AHRR: variants seen among roughly 807,000 people sequenced by gnomAD.
AHRR encodes ahR repressor.
AHRR carries 28 observed loss-of-function variants against 44.0 expected under a neutral mutation model. The observed-to-expected ratio is 0.64, with a 90% CI of 0.47 to 0.87. The LOEUF is 0.87. Among genes scored for constraint, AHRR ranks in the 40% least tolerant of loss-of-function variants. The pLI, the probability that AHRR is intolerant of heterozygous loss-of-function variation, is 0.00. For synonymous variants in AHRR, 434 were observed against 407.0 expected, an observed-to-expected ratio of 1.07 and a Z score of -0.80; for missense variants, 990 against 953.9, an observed-to-expected ratio of 1.04 and a Z score of -0.50.
intron 1 of AHRR, among the ~76,000 whole-genome samples, chr5:335,851 C>T (rs904599491): frequency 6.6e-6 from 1 of 152,232 alleles, no homozygotes; most frequent in Non-Finnish European, 1.5e-5. Flanking sequence ...CAAGACCAGG[C>T]CCCCATGGCA....
At position 344,871 on chromosome 5, in the gene AHRR, T is replaced by C. The variant is rs111206000; in HGVS notation, c.62+907T>C. ...TGTGGGGTGTGTGAGACTGTGCAGG[T>C]GTGCAGGTGTGCGAAGCTGTGTGAG... On this transcript the variant is annotated intron_variant, in intron 2 of 10. Transcript: ENST00000684583. 1.8e-3 allele frequency among the ~76,000 whole-genome samples: 180 copies of C among 101,632 alleles called. 2 individuals are homozygous for C. The highest frequency in any genetic ancestry group is 0.01 in the African/African-American group (159 of 15,576). The allele number at this position is 101,632 out of a possible 152,430, so 66.7% of individuals were successfully genotyped here.
chr5:414,308 G>A (rs2126514245), intron 5 of AHRR, among the ~76,000 whole-genome samples: 1 of 152,166 alleles, frequency 6.6e-6, no homozygotes, highest in South Asian at 2.1e-4. Flanking sequence ...AGGCCAGGAG[G>A]GGAGCAACGG....
Position 355,450 on chromosome 5 carries a change from C to T in AHRR, c.244+1539C>T, listed in dbSNP as rs72711348. Among the ~76,000 whole-genome samples, 36 of 152,308 alleles carry T rather than the reference C, an allele frequency of 2.4e-4. 1 individual carries two copies. Among genetic ancestry groups the T allele is most frequent in the Non-Finnish European group, 8.8e-5 (6 of 68,026 alleles). ...ACAGCGCAGGAAGGGCTGGGGCAGC[C>T]GGCAGGGAGGCTTTGTCCCGAGCTG... On this transcript the variant is annotated intron_variant, in intron 3 of 10. Transcript: ENST00000684583.
chr5:427,629 C>G (rs754981916), intron 7 of AHRR, 178 bp from the exon 8 acceptor site: 26 of 1,613,108 alleles, frequency 1.6e-5, no homozygotes, highest in Middle Eastern at 1.8e-4. Context: ...CATCGAATCA[C>G]TCTGCAGGCC....
chr5:346,074 C>T (rs765738852), intron 2 of AHRR, among the ~76,000 whole-genome samples: 3 of 152,154 alleles, frequency 2.0e-5, no homozygotes, highest in Admixed American at 1.3e-4. Context: ...GGGCCAGGCA[C>T]ACAGCCGAGG....
chr5:374,961 G>A (rs1197446032), intron 3 of AHRR, among the ~76,000 whole-genome samples: 1 of 152,248 alleles, frequency 6.6e-6, no homozygotes, highest in South Asian at 2.1e-4. Flanking sequence ...CGCTGGTCCT[G>A]TGGGTCTGGG....
chr5:331,638 C>T (rs555318535), intron 1 of AHRR, among the ~76,000 whole-genome samples: 6 of 152,250 alleles, frequency 3.9e-5, no homozygotes, highest in Admixed American at 3.3e-4. Context: ...GGCCTCGGAC[C>T]GGTACCTGTC....
intron 3 of AHRR, 100 bp from the exon 4 acceptor site, chr5:376,510 C>A (rs1025855745): frequency 5.5e-6 from 7 of 1,274,460 alleles, no homozygotes; most frequent in African/African-American, 1.6e-5. Context: ...CAGGTGAGAA[C>A]CGTGGGGTGA....
At chr5:339,589 G>A (rs1347012249) in intron 1 of AHRR, among the ~76,000 whole-genome samples, 1 of 151,932 alleles carries the variant, frequency 6.6e-6, no homozygotes, top group Non-Finnish European at 1.5e-5. Context: ...TGGGAATGGG[G>A]GTACACCACA....
In AHRR at chr5:432,911, G is replaced by C; in HGVS notation, c.1076G>C (p.Gly359Ala). 6.2e-7 allele frequency: 1 copy of C among 1,612,964 alleles called. No individual in the cohort carries two copies. The highest frequency in any genetic ancestry group is 8.5e-7 in the Non-Finnish European group (1 of 1,179,710). ...ARAPCLCLRG[G>A]PDLVLDPKGG... is the part of the protein sequence containing the mutation. Reference sequence around the variant, plus strand: ...GCCCCATGCCTGTGCCTCCGGGGTGGCCCTGACCTTGTCCTTGACCCCAAG... The same window carrying C: ...GCCCCATGCCTGTGCCTCCGGGGTGCCCCTGACCTTGTCCTTGACCCCAAG... Residue 359 changes from glycine (G) to alanine (A), a missense_variant, in exon 10 of 11, where the codon GGC (glycine) becomes GCC (alanine). Transcript: ENST00000684583.
At chr5:340,302 C>T (rs1579595423) in intron 1 of AHRR, among the ~76,000 whole-genome samples, 3 of 152,132 alleles carry the variant, frequency 2.0e-5, no homozygotes, top group Middle Eastern at 3.4e-3. Context: ...ATTTGTCTTA[C>T]TCTGCTTGGG....
intron 2 of AHRR, among the ~76,000 whole-genome samples, chr5:351,262 A>G (rs1182111091): frequency 1.3e-5 from 2 of 152,230 alleles, no homozygotes; most frequent in East Asian, 1.9e-4. Context: ...TACATGCTCA[A>G]GAGAATTGAA....
intron 5 of AHRR, among the ~76,000 whole-genome samples, chr5:417,194 G>C (rs575524495): frequency 1.3e-5 from 2 of 150,312 alleles, no homozygotes; most frequent in African/African-American, 4.9e-5. Flanking sequence ...CCCATGTCTA[G>C]AGAAGGTGGC....
chr5:422,862 G>T lies in AHRR; in HGVS notation c.571+4G>T. 6 of 1,607,960 alleles carry T rather than the reference G, an allele frequency of 3.7e-6. No individual in the cohort carries two copies. The South Asian group carries it at 6.6e-5, about 18-fold the overall frequency. ...CAGCCCCCGCCCTTGGAGACAGGTG[G>T]GTGTCTGGGGTCCAAGTGAGTCAGC... On this transcript the variant is annotated splice_donor_region_variant and intron_variant, in intron 6 of 10. Transcript: ENST00000684583.
At chr5:402,338 C>A (rs533792823) in intron 4 of AHRR, among the ~76,000 whole-genome samples, 2 of 150,350 alleles carry the variant, frequency 1.3e-5, no homozygotes, top group South Asian at 2.1e-4. Context: ...GCACTGTTGG[C>A]GGGAAGGCAG....
chr5:350,938 C>A (rs375538873), intron 2 of AHRR, among the ~76,000 whole-genome samples: 79 of 151,670 alleles, frequency 5.2e-4, no homozygotes, highest in African/African-American at 1.8e-3. Context: ...TAAAACTGGG[C>A]AAAAGACTTG....
At chr5:330,754 C>T (rs1168581742) in intron 1 of AHRR, among the ~76,000 whole-genome samples, 2 of 151,694 alleles carry the variant, frequency 1.3e-5, no homozygotes, top group South Asian at 2.1e-4. Flanking sequence ...TTGGTATCTG[C>T]GTGATATGGG....
At chr5:425,772 G>A (rs540505369) in intron 7 of AHRR, among the ~76,000 whole-genome samples, 1 of 152,276 alleles carries the variant, frequency 6.6e-6, no homozygotes, top group South Asian at 2.1e-4. Flanking sequence ...TTGCAATAAG[G>A]TTTACACAAA....
chr5:425,603 A>G (rs1579706043), intron 7 of AHRR, among the ~76,000 whole-genome samples: 1 of 152,254 alleles, frequency 6.6e-6, no homozygotes, highest in East Asian at 1.9e-4. Context: ...TTAAAATTGT[A>G]TAACCAATTC....
Sources: allele counts gnomAD v4.1 joint callset (sites outside exome capture counted in the v4.1 genomes callset), GRCh38; gene constraint gnomAD v4.1.1; transcripts MANE v1.5; gene names NCBI Gene and HGNC (gene_info 2026-07-23, HGNC 2026-07-21).